ADCY2: variants seen among roughly 807,000 people sequenced by gnomAD.
The protein encoded by ADCY2 is adenylate cyclase 2.
Under a neutral mutation model 125.2 loss-of-function variants are expected in ADCY2, and 31 were observed. The ratio of observed to expected loss-of-function variants is 0.25; its 90% CI spans 0.19 to 0.33. ADCY2 has a LOEUF of 0.33. ADCY2 is among the 10% of genes least tolerant of loss of function. The pLI is 1.00. For missense variants in ADCY2, 904 were observed against 1,418.2 expected, an observed-to-expected ratio of 0.64 and a Z score of 5.82; for synonymous variants, 512 against 548.4, an observed-to-expected ratio of 0.93 and a Z score of 0.93.
intron 5 of ADCY2, chr5:7,692,119 A>C (rs1740725048): frequency 6.6e-6 from 1 of 152,252 alleles, no homozygotes; most frequent in Non-Finnish European, 1.5e-5. Flanking sequence ...TCACTGAGTT[A>C]TCGCCATAAG....
chr5:7,700,817 C>T (rs991342485), intron 7 of ADCY2, among the ~76,000 whole-genome samples: 1 of 150,502 alleles, frequency 6.6e-6, no homozygotes, highest in Non-Finnish European at 1.5e-5. Flanking sequence ...CCATAGAAAA[C>T]TCCTGCATGC....
intron 4 of ADCY2, among the ~76,000 whole-genome samples, chr5:7,675,022 G>A (rs7708360): frequency 0.31 from 47,448 of 151,776 alleles, 8,060 homozygotes; most frequent in Non-Finnish European, 0.38. Context: ...GGGCGTGGTG[G>A]CGGGCACCTG....
intron 1 of ADCY2, among the ~76,000 whole-genome samples, chr5:7,411,463 G>A (rs1739715145): frequency 6.6e-6 from 1 of 152,222 alleles, no homozygotes. Flanking sequence ...GTTTGCAACT[G>A]CATTGTCATA....
At chr5:7,567,958 TC>T (rs1735958342) in intron 3 of ADCY2, among the ~76,000 whole-genome samples, 1 of 151,976 alleles carries the variant, frequency 6.6e-6, no homozygotes, top group Non-Finnish European at 1.5e-5. Flanking sequence ...TCTCTCTCTC[TC>T]TCTGTCAGAT....
At chr5:7,578,263 C>T (rs1736315818) in intron 3 of ADCY2, among the ~76,000 whole-genome samples, 3 of 152,086 alleles carry the variant, frequency 2.0e-5, no homozygotes, top group African/African-American at 7.3e-5. Flanking sequence ...AAATTCCAGC[C>T]AGAGGAGGCC....
At chr5:7,458,125 T>C (rs1044164675) in intron 2 of ADCY2, among the ~76,000 whole-genome samples, 3 of 152,242 alleles carry the variant, frequency 2.0e-5, no homozygotes, top group Non-Finnish European at 4.4e-5. Flanking sequence ...ATGAATAGAC[T>C]TGAGTAATGT....
chr5:7,775,038 GCT>G (rs1227921109), intron 18 of ADCY2, among the ~76,000 whole-genome samples: 1 of 151,970 alleles, frequency 6.6e-6, no homozygotes, highest in Non-Finnish European at 1.5e-5. Flanking sequence ...GCAGAATTTT[GCT>G]CTGTCACTCA....
At chr5:7,630,279 C>T (rs1738271521) in intron 4 of ADCY2, among the ~76,000 whole-genome samples, 1 of 152,106 alleles carries the variant, frequency 6.6e-6, no homozygotes, top group Admixed American at 6.5e-5. Flanking sequence ...ACAAATTTAC[C>T]TGTTTTTAAT....
At chr5:7,674,491 G>A (rs1740050558) in intron 4 of ADCY2, among the ~76,000 whole-genome samples, 1 of 152,196 alleles carries the variant, frequency 6.6e-6, no homozygotes, top group Non-Finnish European at 1.5e-5. Flanking sequence ...CAAACTTGGG[G>A]TTCCATCCAT....
intron 2 of ADCY2, among the ~76,000 whole-genome samples, chr5:7,457,482 A>G (rs955387223): frequency 7.2e-5 from 11 of 152,096 alleles, no homozygotes; most frequent in African/African-American, 2.7e-4. Context: ...TGGAAGGCGC[A>G]TTCAAGGCCT....
intron 1 of ADCY2, among the ~76,000 whole-genome samples, chr5:7,414,148 AAG>A (rs2126329669): frequency 6.6e-6 from 1 of 152,346 alleles, no homozygotes; most frequent in East Asian, 1.9e-4. Flanking sequence ...ATAATTTTGA[AAG>A]AAGTTTTTTA....
At chr5:7,551,758 A>G (rs1343845774) in intron 3 of ADCY2, among the ~76,000 whole-genome samples, 1 of 152,176 alleles carries the variant, frequency 6.6e-6, no homozygotes, top group Non-Finnish European at 1.5e-5. Flanking sequence ...AAGAGATGCC[A>G]TAGATCTTTT....
chr5:7,651,939 A>G (rs1739105124), intron 4 of ADCY2, among the ~76,000 whole-genome samples: 1 of 152,088 alleles, frequency 6.6e-6, no homozygotes, highest in South Asian at 2.1e-4. Context: ...AGTAGCTAGG[A>G]CTACAGGTGC....
chr5:7,402,205 A>C (rs1008945926), intron 1 of ADCY2, among the ~76,000 whole-genome samples: 1 of 152,198 alleles, frequency 6.6e-6, no homozygotes. Flanking sequence ...GGCTCCCCTA[A>C]TCTTAAAGTC....
intron 16 of ADCY2, among the ~76,000 whole-genome samples, chr5:7,766,355 A>C (rs1743378250): frequency 6.6e-6 from 1 of 152,206 alleles, no homozygotes; most frequent in African/African-American, 2.4e-5. Flanking sequence ...AGAGAGTTGA[A>C]TGTATATATG....
chr5:7,519,394 G>A (rs1744364560), intron 2 of ADCY2, among the ~76,000 whole-genome samples: 1 of 152,208 alleles, frequency 6.6e-6, no homozygotes, highest in South Asian at 2.1e-4. Flanking sequence ...TCCCCTTCAG[G>A]TGACACAGGT....
chr5:7,778,699 T>C (rs922987108), intron 18 of ADCY2, among the ~76,000 whole-genome samples: 10 of 152,232 alleles, frequency 6.6e-5, no homozygotes, highest in Admixed American at 1.3e-4. Context: ...TCCCTGATTT[T>C]CCCATGTCTC....
rs558286602 is a variant in ADCY2, at chr5:7,726,011, G to A, written c.1774-1153G>A. Among the ~76,000 whole-genome samples the A allele has an allele frequency of 5.3e-5, 8 of 152,270 alleles. No homozygotes were observed. The South Asian group carries it at 1.7e-3, about 32-fold the overall frequency. ...AGCCTGCCCGTCAGAGCATGAGGTA[G>A]GGCAAGAGGTCACAAGAGCTATCAG... On this transcript the variant is annotated intron_variant, in intron 13 of 24. Transcript: ENST00000338316.
At chr5:7,501,619 C>G (rs1743576357) in intron 2 of ADCY2, among the ~76,000 whole-genome samples, 1 of 114,514 alleles carries the variant, frequency 8.7e-6, no homozygotes, top group Non-Finnish European at 1.8e-5. Context: ...TCCTCATATC[C>G]CATCAAAAAA....
Sources: gnomAD v4.1 joint callset for allele counts (sites outside exome capture counted in the v4.1 genomes callset) on GRCh38, gnomAD v4.1.1 for gene constraint, MANE v1.5 for transcripts, NCBI Gene and HGNC (gene_info 2026-07-23, HGNC 2026-07-21) for gene names.